The following ATRNL1 variants were observed in gnomAD, a reference collection of about 807,000 sequenced individuals.
ATRNL1 encodes attractin-like protein 1.
Under a neutral mutation model 182.7 loss-of-function variants are expected in ATRNL1, and 95 were observed. The observed-to-expected ratio is 0.52, with a 90% CI of 0.44 to 0.62. ATRNL1 has a LOEUF of 0.62. ATRNL1 is among the 20% of genes least tolerant of loss of function. ATRNL1 has a pLI of 0.00. For synonymous variants in ATRNL1, 576 were observed against 568.3 expected (o/e 1.01, Z -0.19); for missense variants, 1,471 against 1,679.5 (o/e 0.88, Z 2.17).
intron 20 of ATRNL1, among the ~76,000 whole-genome samples, chr10:115,414,985 T>C (rs1227425601): frequency 6.6e-6 from 1 of 152,050 alleles, no homozygotes; most frequent in East Asian, 1.9e-4. Flanking sequence ...GCAATTAAAA[T>C]TACGCTACAC....
chr10:115,593,911 T>G (rs1488730522), intron 26 of ATRNL1, among the ~76,000 whole-genome samples: 1 of 152,126 alleles, frequency 6.6e-6, no homozygotes, highest in East Asian at 1.9e-4. Flanking sequence ...ACAATTATTT[T>G]CTTCCAAATA....
chr10:115,169,551 G>A (rs1847202321), intron 7 of ATRNL1, among the ~76,000 whole-genome samples: 1 of 151,902 alleles, frequency 6.6e-6, no homozygotes, highest in African/African-American at 2.4e-5. Context: ...TTGAGAAGTG[G>A]GAGTACTCCA....
intron 8 of ATRNL1, among the ~76,000 whole-genome samples, chr10:115,198,859 T>A (rs1436266855): frequency 1.3e-5 from 2 of 152,192 alleles, no homozygotes; most frequent in African/African-American, 4.8e-5. Flanking sequence ...GTTTCACTGG[T>A]CTTGTGTTAG....
intron 26 of ATRNL1, among the ~76,000 whole-genome samples, chr10:115,614,961 T>G (rs1555020309): frequency 6.6e-6 from 1 of 151,666 alleles, no homozygotes; most frequent in African/African-American, 2.4e-5. Flanking sequence ...TGGGTCTTGT[T>G]TTTTTTTAAT....
At chr10:115,526,795 G>T (rs1554986667) in intron 25 of ATRNL1, among the ~76,000 whole-genome samples, 1 of 152,116 alleles carries the variant, frequency 6.6e-6, no homozygotes, top group African/African-American at 2.4e-5. Flanking sequence ...GATAATGGGA[G>T]AATTTGAGAC....
At chr10:115,878,849 A>G (rs1321733614) in intron 28 of ATRNL1, among the ~76,000 whole-genome samples, 1 of 152,132 alleles carries the variant, frequency 6.6e-6, no homozygotes, top group Admixed American at 6.6e-5. Context: ...AGAAAAATTT[A>G]CCTCCTGACC....
chr10:115,525,837 A>T (rs1851183322), intron 25 of ATRNL1, among the ~76,000 whole-genome samples: 1 of 152,192 alleles, frequency 6.6e-6, no homozygotes, highest in African/African-American at 2.4e-5. Context: ...ATCCAGTCTT[A>T]ACATTTCGTT....
chr10:115,237,734 C>A (rs565274481), intron 9 of ATRNL1, among the ~76,000 whole-genome samples: 1 of 152,176 alleles, frequency 6.6e-6, no homozygotes, highest in East Asian at 1.9e-4. Context: ...TTAATAGAGT[C>A]CAAATTATGA....
intron 27 of ATRNL1, among the ~76,000 whole-genome samples, chr10:115,795,240 A>G (rs993910909): frequency 2.6e-5 from 4 of 152,192 alleles, no homozygotes; most frequent in African/African-American, 4.8e-5. Context: ...ATATACATTT[A>G]CATGTATATT....
chr10:115,442,982 AT>A (rs1299595514), intron 21 of ATRNL1, among the ~76,000 whole-genome samples: 10 of 151,968 alleles, frequency 6.6e-5, no homozygotes, highest in African/African-American at 9.7e-5. Context: ...CCTAAAATAG[AT>A]TTTGTAGTTT....
intron 28 of ATRNL1, among the ~76,000 whole-genome samples, chr10:115,922,060 T>C (rs1216956722): frequency 1.3e-5 from 2 of 152,166 alleles, no homozygotes; most frequent in Admixed American, 1.3e-4. Flanking sequence ...CACCCAGGGC[T>C]GTAGGTCAAG....
chr10:115,592,149 G>T (rs1170436122), intron 26 of ATRNL1, among the ~76,000 whole-genome samples: 1 of 152,174 alleles, frequency 6.6e-6, no homozygotes, highest in Non-Finnish European at 1.5e-5. Context: ...GATGGCAACG[G>T]TAGGTACTGG....
intron 26 of ATRNL1, among the ~76,000 whole-genome samples, chr10:115,664,729 A>G (rs191552664): frequency 2.0e-5 from 3 of 152,252 alleles, no homozygotes; most frequent in East Asian, 3.9e-4. Context: ...TTTTTTAGGT[A>G]TAGAAAAAAA....
At chr10:115,334,786 T>C (rs1855404729) in intron 19 of ATRNL1, among the ~76,000 whole-genome samples, 3 of 152,166 alleles carry the variant, frequency 2.0e-5, no homozygotes, top group Admixed American at 2.0e-4. Context: ...AAGTTAAATG[T>C]GTTTAACTTA....
At chr10:115,299,254 T>C (rs1554923684) in intron 15 of ATRNL1, among the ~76,000 whole-genome samples, 7 of 151,900 alleles carry the variant, frequency 4.6e-5, no homozygotes. Flanking sequence ...ATATCATTTT[T>C]AATATAAGAA....
chr10:115,738,035 G>A lies in ATRNL1; in HGVS notation c.3903+10680G>A, dbSNP rs144469903. ...AGGCCCCATGAGCCATTTGCCTTAAGAGAGGGAGATGATTTTCAGTTGGTA... is the reference window on the plus strand; with the variant it reads ...AGGCCCCATGAGCCATTTGCCTTAAAAGAGGGAGATGATTTTCAGTTGGTA... On this transcript the variant is annotated intron_variant, in intron 27 of 28. Transcript: ENST00000355044. Among the ~76,000 whole-genome samples, 178 of 149,252 alleles carry A rather than the reference G, an allele frequency of 1.2e-3. 1 individual carries two copies. Among genetic ancestry groups the A allele is most frequent in the African/African-American group, 4.1e-3 (169 of 40,746 alleles).
chr10:115,942,306 C>G (rs1190103011), intron 28 of ATRNL1, among the ~76,000 whole-genome samples: 1 of 152,224 alleles, frequency 6.6e-6, no homozygotes, highest in African/African-American at 2.4e-5. Context: ...GGCCGTACTT[C>G]CTGTCACTCC....
At chr10:115,470,092 C>T (rs1554971820) in intron 24 of ATRNL1, among the ~76,000 whole-genome samples, 1 of 150,302 alleles carries the variant, frequency 6.7e-6, no homozygotes, top group Non-Finnish European at 1.5e-5. Flanking sequence ...ATTTTCAGAT[C>T]ATCCCTTCCC....
At chr10:115,847,854 T>C in intron 27 of ATRNL1, 23 bp from the exon 28 acceptor site, 1 of 1,446,672 alleles carries the variant, frequency 6.9e-7, no homozygotes, top group Non-Finnish European at 9.7e-7. Context: ...TTTTGCAAAC[T>C]TAAAGTGGGT....
Sources: allele counts gnomAD v4.1 joint callset (sites outside exome capture counted in the v4.1 genomes callset), GRCh38; gene constraint gnomAD v4.1.1; transcripts MANE v1.5; gene names NCBI Gene and HGNC (gene_info 2026-07-23, HGNC 2026-07-21).